MRPS22: variants seen among roughly 807,000 people sequenced by gnomAD.
The protein encoded by MRPS22 is mitochondrial ribosomal protein S22.
Under a neutral mutation model 44.0 loss-of-function variants are expected in MRPS22, and 30 were observed. That is an observed-to-expected ratio of 0.68 (90% CI 0.51 to 0.93). The LOEUF is 0.93. MRPS22 is among the 40% of genes least tolerant of loss of function. The pLI is 0.00. For missense variants in MRPS22, 447 were observed against 447.8 expected, an observed-to-expected ratio of 1.00 and a Z score of 0.02; for synonymous variants, 165 against 154.4, an observed-to-expected ratio of 1.07 and a Z score of -0.51.
intron 1 of MRPS22, among the ~76,000 whole-genome samples, chr3:139,346,073 C>T (rs1941034100): frequency 6.6e-6 from 1 of 152,134 alleles, no homozygotes; most frequent in Admixed American, 6.5e-5. Context: ...AATAAGCAAA[C>T]TGCATGAGGC....
chr3:139,347,772 A>C (rs2107787761), intron 2 of MRPS22, among the ~76,000 whole-genome samples: 1 of 152,328 alleles, frequency 6.6e-6, no homozygotes, highest in Middle Eastern at 3.4e-3. Flanking sequence ...TGGAGATGAT[A>C]ACAATTGCAC....
At chr3:139,349,481 C>A in intron 3 of MRPS22, 1 of 234,888 alleles carries the variant, frequency 4.3e-6, no homozygotes, top group South Asian at 4.4e-5. Flanking sequence ...GTATGCCACT[C>A]CCGGTATTGC....
chr3:139,356,079 T>G (rs1031381368), intron 7 of MRPS22, among the ~76,000 whole-genome samples: 2 of 152,134 alleles, frequency 1.3e-5, no homozygotes, highest in African/African-American at 2.4e-5. Context: ...TTTGGAGCAC[T>G]GGAAGGGCTG....
At position 139,355,733 on chromosome 3, in the gene MRPS22, T is replaced by C. The variant is rs756620417; in HGVS notation, c.930T>C (p.Asp310=). 2 of 1,614,170 alleles carry C rather than the reference T, an allele frequency of 1.2e-6. No individual in the cohort carries two copies. Among genetic ancestry groups the C allele is most frequent in the East Asian group, 2.2e-5 (1 of 44,886 alleles). ...LVQLYHVLHP[D]GQSAQGAKDQ... ...AGCTGTATCACGTGCTCCATCCAGA[T>C]GGCCAGTCGGCTCAAGGGGCCAAGG... The change falls in exon 7 of 8, where the codon GAT becomes GAC. Residue 310 remains aspartate, a synonymous_variant. Coordinates refer to ENST00000680020, the MANE Select transcript of MRPS22 (RefSeq NM_020191.4).
intron 3 of MRPS22, chr3:139,349,204 G>A (rs1016918126): frequency 4.9e-6 from 2 of 408,824 alleles, no homozygotes; most frequent in African/African-American, 4.2e-5. Context: ...CATGTTGGTT[G>A]GGAAGCATTT....
At chr3:139,345,968 T>C (rs1941032877) in intron 1 of MRPS22, among the ~76,000 whole-genome samples, 1 of 152,200 alleles carries the variant, frequency 6.6e-6, no homozygotes, top group African/African-American at 2.4e-5. Flanking sequence ...TCTGTAGGGA[T>C]ACCAACATTT....
chr3:139,353,993 G>A (rs1055394762), intron 6 of MRPS22, among the ~76,000 whole-genome samples: 1 of 152,172 alleles, frequency 6.6e-6, no homozygotes, highest in African/African-American at 2.4e-5. Context: ...TGATATTATA[G>A]TATTACTCAT....
chr3:139,357,019 A>G lies in MRPS22; in HGVS notation c.*5A>G. Reference sequence around the variant, plus strand: ...CGCCATTCTGCAGCTTCCTAAAAATATTTTAAAAATACATTTATTTTACTA... The same window carrying G: ...CGCCATTCTGCAGCTTCCTAAAAATGTTTTAAAAATACATTTATTTTACTA... On this transcript the variant is annotated 3_prime_UTR_variant, in exon 8 of 8. Transcript: ENST00000680020. The G allele has an allele frequency of 6.3e-7, 1 of 1,591,788 alleles. No individual in the cohort carries two copies.
At position 139,348,277 on chromosome 3, in the gene MRPS22, AC is replaced by A; in HGVS notation, c.458del (p.Thr153LysfsTer40). On this transcript the variant is annotated frameshift_variant, in exon 3 of 8. Coordinates refer to ENST00000680020, the MANE Select transcript of MRPS22 (RefSeq NM_020191.4). LOFTEE classifies it high-confidence loss of function. ...AEDKILEGTE[T>X]TKYVFTDISY... is the part of the protein sequence containing the mutation. The stretch of plus-strand genomic sequence containing the variant: ...AGATAAGATTTTGGAAGGAACAGAA[AC>A]AACCAAATATGTGTTTACTGATATA... 2 of 1,614,146 alleles carry A rather than the reference AC, an allele frequency of 1.2e-6. No homozygotes were observed. Among genetic ancestry groups the A allele is most frequent in the Non-Finnish European group, 1.7e-6 (2 of 1,180,008 alleles).
Position 139,355,770 on chromosome 3 carries a change from G to A in MRPS22, c.967G>A (p.Glu323Lys). The A allele has an allele frequency of 3.7e-6, 6 of 1,613,996 alleles. No individual in the cohort carries two copies. Among genetic ancestry groups the A allele is most frequent in the Non-Finnish European group, 5.1e-6 (6 of 1,179,870 alleles). The stretch of plus-strand genomic sequence containing the variant: ...TCAAGGGGCCAAGGATCAGGCTGCT[G>A]AGGGAATAAATTTAATCAAGGTAAA... ...SAQGAKDQAAEGINLIKVFAK... is the reference protein window; with the variant it reads ...SAQGAKDQAAKGINLIKVFAK... Residue 323 changes from glutamate to lysine, a missense_variant, in exon 7 of 8, where the codon GAG becomes AAG. Transcript: ENST00000680020.
At chr3:139,352,363 T>G in intron 5 of MRPS22, 2 of 365,802 alleles carry the variant, frequency 5.5e-6, no homozygotes, top group Non-Finnish European at 1.0e-5. Context: ...AGATGAGGAC[T>G]GCTCAAGCAG....
chr3:139,350,226 C>A lies in MRPS22; in HGVS notation c.552C>A (p.Ala184=). 1 of 1,614,164 alleles carries A rather than the reference C, an allele frequency of 6.2e-7. No individual in the cohort carries two copies. Among genetic ancestry groups the A allele is most frequent in the Non-Finnish European group, 8.5e-7 (1 of 1,180,026 alleles). ...VREPSGTLRK[A]SWEERDRMIQ... is the part of the protein sequence containing the mutation. ...AACCAAGTGGCACACTACGCAAAGC[C>A]TCTTGGGAAGAACGGGACCGAATGA... is the stretch of plus-strand genomic sequence containing the variant. Residue 184 remains alanine (A), a synonymous_variant, in exon 4 of 8, where the codon GCC becomes GCA. Transcript: ENST00000680020.
Position 139,347,047 on chromosome 3 carries a change from A to T in MRPS22, c.339+3A>T. On this transcript the variant is annotated splice_donor_region_variant and intron_variant, in intron 2 of 7. Coordinates refer to ENST00000680020, the MANE Select transcript of MRPS22 (RefSeq NM_020191.4). ...TGACTCAGGCACAGTTGGAAGAGGT[A>T]CGTGAATGCAGGAATATTGTTAGAA... The T allele has an allele frequency of 6.2e-7, 1 of 1,614,176 alleles. No individual in the cohort carries two copies. The highest frequency in any genetic ancestry group is 8.5e-7 in the Non-Finnish European group (1 of 1,179,976).
rs116349764 is a variant in MRPS22 at position 139,348,088 on chromosome 3, T to C, written c.340-72T>C. On this transcript the variant is annotated intron_variant, in intron 2 of 7. Transcript: ENST00000680020. ...CAGGTTTTTGCATTTTTTATTAGTA[T>C]GTGCTTTTGTCAGATGATCCTTATA... 1,286 of 1,501,410 alleles carry C rather than the reference T, an allele frequency of 8.6e-4. 12 individuals are homozygous for C. In the African/African-American group the frequency reaches 0.016, roughly 18 times the overall value. 93.0% of individuals were successfully genotyped at this position (1,501,410 alleles called of 1,614,324 possible).
chr3:139,344,784 C>T (rs1941007055), intron 1 of MRPS22: 1 of 628,726 alleles, frequency 1.6e-6, no homozygotes, highest in Non-Finnish European at 2.8e-6. Context: ...AAGATTGTTT[C>T]TTAAGTTTTT....
rs1226371751 is a variant in MRPS22 at position 139,344,020 on chromosome 3, G to A, written c.-7G>A. Reference sequence around the variant, plus strand: ...ACCACTTCCGGCGCAAGTGGCTTCTGATAATCATGGCGCCCCTCGGAACAA... The same window carrying A: ...ACCACTTCCGGCGCAAGTGGCTTCTAATAATCATGGCGCCCCTCGGAACAA... On this transcript the variant is annotated 5_prime_UTR_variant, in exon 1 of 8. Transcript: ENST00000680020. 2.5e-6 allele frequency: 4 copies of A among 1,614,190 alleles called. No individual in the cohort carries two copies. Among genetic ancestry groups the A allele is most frequent in the Non-Finnish European group, 3.4e-6 (4 of 1,180,034 alleles).
chr3:139,349,378 C>T (rs769040316), intron 3 of MRPS22: 15 of 435,180 alleles, frequency 3.4e-5, no homozygotes, highest in South Asian at 2.5e-4. Context: ...TTAGAGACTC[C>T]TACACCTCTG....
chr3:139,352,446 TAATAG>T, intron 5 of MRPS22, 196 bp from the exon 6 acceptor site: 1 of 515,628 alleles, frequency 1.9e-6, no homozygotes, highest in Non-Finnish European at 3.5e-6. Flanking sequence ...AATTCTTTCT[TAATAG>T]AATCCTCCTT....
In MRPS22 at chr3:139,346,881, A is replaced by C; in HGVS notation, c.176A>C (p.Glu59Ala). 1 of 1,614,148 alleles carries C rather than the reference A, an allele frequency of 6.2e-7. No homozygotes were observed. The highest frequency in any genetic ancestry group is 1.1e-5 in the South Asian group (1 of 91,088). Residue 59 changes from glutamate to alanine, a missense_variant, in exon 2 of 8, where the codon GAA becomes GCA. Coordinates refer to ENST00000680020, the MANE Select transcript of MRPS22 (RefSeq NM_020191.4). ...PRRRFSSEAA[E>A]SGSPETKKPT... ...TATTTACTAAAGTCCATTTTAGCAGAATCTGGTAGCCCAGAGACCAAGAAA... is the reference window on the plus strand; with the variant it reads ...TATTTACTAAAGTCCATTTTAGCAGCATCTGGTAGCCCAGAGACCAAGAAA...
Sources: gnomAD v4.1 joint callset for allele counts (sites outside exome capture counted in the v4.1 genomes callset) on GRCh38, gnomAD v4.1.1 for gene constraint, MANE v1.5 for transcripts, NCBI Gene and HGNC (gene_info 2026-07-23, HGNC 2026-07-21) for gene names.